SHISA6: variants seen among roughly 807,000 people sequenced by gnomAD.
SHISA6 encodes the protein shisa family member 6.
A neutral mutation model predicts 47.9 loss-of-function variants in SHISA6; 22 were observed. The observed-to-expected ratio is 0.46, with a 90% CI of 0.33 to 0.66. The LOEUF (loss-of-function observed/expected upper bound fraction) is 0.66. SHISA6 is among the 30% of genes least tolerant of loss of function. SHISA6 has a pLI of 0.02. For synonymous variants in SHISA6, 388 were observed against 337.8 expected, an observed-to-expected ratio of 1.15 and a Z score of -1.63; for missense variants, 680 against 764.6, an observed-to-expected ratio of 0.89 and a Z score of 1.30.
At chr17:11,509,921 G>A (rs1041376388) in intron 3 of SHISA6, among the ~76,000 whole-genome samples, 1 of 152,096 alleles carries the variant, frequency 6.6e-6, no homozygotes, top group African/African-American at 2.4e-5. Context: ...GAGAGGCTTT[G>A]GAAACACAGG....
intron 3 of SHISA6, among the ~76,000 whole-genome samples, chr17:11,528,094 G>T (rs1436167762): frequency 6.6e-6 from 1 of 152,072 alleles, no homozygotes; most frequent in Middle Eastern, 3.2e-3. Flanking sequence ...AATTTGGGGG[G>T]TTGGGGGTAC....
At chr17:11,451,209 C>G (rs1425640834) in intron 3 of SHISA6, among the ~76,000 whole-genome samples, 1 of 152,072 alleles carries the variant, frequency 6.6e-6, no homozygotes, top group African/African-American at 2.4e-5. Context: ...CCCATCTTTT[C>G]CATCCATTCT....
rs1294350058 is a variant in SHISA6 at position 11,383,888 on chromosome 17, C to T, written c.895+4379C>T. Among the ~76,000 whole-genome samples, 2 of 152,120 alleles carry T rather than the reference C, an allele frequency of 1.3e-5. 1 individual carries two copies. Among genetic ancestry groups the T allele is most frequent in the Non-Finnish European group, 2.9e-5 (2 of 68,038 alleles). ...CGTTAATTAGACAAGATCACTCAGC[C>T]CCCAACACTGGAACCCAGAATGGTC... On this transcript the variant is annotated intron_variant, in intron 3 of 5. Coordinates refer to ENST00000441885, the MANE Select transcript of SHISA6 (RefSeq NM_207386.4).
chr17:11,393,109 C>T (rs1403796737), intron 3 of SHISA6, among the ~76,000 whole-genome samples: 3 of 152,180 alleles, frequency 2.0e-5, no homozygotes, highest in Non-Finnish European at 4.4e-5. Flanking sequence ...TTCAGGAGAT[C>T]CCCTTTAAGA....
chr17:11,377,574 C>A (rs544531414), intron 2 of SHISA6, among the ~76,000 whole-genome samples: 1 of 152,146 alleles, frequency 6.6e-6, no homozygotes, highest in Non-Finnish European at 1.5e-5. Flanking sequence ...TTTAAGCTCT[C>A]CTGGCTATGC....
chr17:11,385,905 T>C (rs1331255772), intron 3 of SHISA6, among the ~76,000 whole-genome samples: 2 of 151,016 alleles, frequency 1.3e-5, no homozygotes, highest in African/African-American at 4.9e-5. Context: ...AGAAATCCAG[T>C]GAGCTGAAGC....
intron 2 of SHISA6, chr17:11,290,353 C>CTTTTTTT (rs10658953): frequency 1.5e-5 from 2 of 135,980 alleles, no homozygotes; most frequent in Non-Finnish European, 3.1e-5. Flanking sequence ...TATTTTCTTT[C>CTTTTTTT]TTTTTTTTTT....
chr17:11,543,616 A>G (rs1312394235), intron 3 of SHISA6, among the ~76,000 whole-genome samples: 3 of 152,148 alleles, frequency 2.0e-5, no homozygotes, highest in Non-Finnish European at 2.9e-5. Context: ...TTATTATAAA[A>G]TTGATAAGAA....
chr17:11,241,684 G>T lies in SHISA6; in HGVS notation c.262G>T (p.Ala88Ser), dbSNP rs1261770036. The T allele has an allele frequency of 2.6e-5, 39 of 1,501,942 alleles. No homozygotes were observed. The highest frequency in any genetic ancestry group is 3.1e-5 in the Non-Finnish European group (35 of 1,130,714). 93.0% of individuals were successfully genotyped at this position (1,501,942 alleles called of 1,614,324 possible). ...GGCTGTGGCGGCGGCGGCCAGCGCGGCCGTCACCTACGAGACGTGCTGGGG... is the reference window on the plus strand; with the variant it reads ...GGCTGTGGCGGCGGCGGCCAGCGCGTCCGTCACCTACGAGACGTGCTGGGG... ...AAAVAAAASA[A>S]VTYETCWGYY... The change falls in exon 1 of 6, where the codon GCC becomes TCC. Residue 88 changes from alanine to serine, a missense_variant. Transcript: ENST00000441885. The surrounding 1 kb of genome is among the most constrained non-coding windows in gnomAD (Gnocchi z 5.5).
At chr17:11,259,658 A>G (rs1908151479) in intron 1 of SHISA6, among the ~76,000 whole-genome samples, 1 of 152,270 alleles carries the variant, frequency 6.6e-6, no homozygotes, top group Non-Finnish European at 1.5e-5. Context: ...TCATTCCCTC[A>G]GGACCACTGA....
At chr17:11,280,126 T>C (rs531749790) in intron 2 of SHISA6, among the ~76,000 whole-genome samples, 2 of 152,284 alleles carry the variant, frequency 1.3e-5, no homozygotes, top group Non-Finnish European at 2.9e-5. Flanking sequence ...CTTGGTGGCG[T>C]TTCTGTTTAT....
At chr17:11,311,010 G>A (rs968360041) in intron 2 of SHISA6, among the ~76,000 whole-genome samples, 1 of 149,884 alleles carries the variant, frequency 6.7e-6, no homozygotes, top group African/African-American at 2.5e-5. Context: ...AGGAGGCTAA[G>A]GCAGGAGAAT....
intron 2 of SHISA6, among the ~76,000 whole-genome samples, chr17:11,315,120 C>T (rs770546291): frequency 6.6e-6 from 1 of 152,154 alleles, no homozygotes; most frequent in South Asian, 2.1e-4. Context: ...GTTGTTCAGA[C>T]TTTCCTTCTT....
chr17:11,490,862 G>C (rs1194412211), intron 3 of SHISA6, among the ~76,000 whole-genome samples: 1 of 152,250 alleles, frequency 6.6e-6, no homozygotes, highest in African/African-American at 2.4e-5. Context: ...CCATCTGACT[G>C]ATGACTCAAT....
intron 2 of SHISA6, among the ~76,000 whole-genome samples, chr17:11,340,883 G>A (rs898033145): frequency 1.3e-5 from 2 of 152,248 alleles, no homozygotes; most frequent in Admixed American, 1.3e-4. Flanking sequence ...TACAAGAAAG[G>A]AAGACAAGAA....
At chr17:11,364,123 T>C (rs1912371954) in intron 2 of SHISA6, among the ~76,000 whole-genome samples, 1 of 152,224 alleles carries the variant, frequency 6.6e-6, no homozygotes, top group African/African-American at 2.4e-5. Flanking sequence ...TAAACCTAAA[T>C]ACTAAAATAC....
In SHISA6 at chr17:11,558,206, G is replaced by A. The variant is rs767092219; in HGVS notation, c.1558G>A (p.Ala520Thr). The A allele has an allele frequency of 4.5e-5, 69 of 1,542,998 alleles. No individual in the cohort carries two copies. The highest frequency in any genetic ancestry group is 1.7e-4 in the Middle Eastern group (1 of 6,014). ...GAGCCAGACGGCAGCCAAGCGTCAT[G>A]CCTTTGCCTCACGCAGACACAACAC... ...GQSQTAAKRH[A>T]FASRRHNTVE... Residue 520 changes from alanine to threonine, a missense_variant, in exon 6 of 6, where the codon GCC becomes ACC. By Grantham distance (58) the Ala-to-Thr change is moderately conservative. Transcript: ENST00000441885.
chr17:11,291,546 A>T (rs1201363276), intron 2 of SHISA6, among the ~76,000 whole-genome samples: 1 of 152,104 alleles, frequency 6.6e-6, no homozygotes, highest in Non-Finnish European at 1.5e-5. Context: ...AGGCAGGAGA[A>T]TTACTTTAAC....
In SHISA6 at chr17:11,562,266, A is replaced by G. The variant is rs2072051329; in HGVS notation, c.*3962A>G. The G allele has an allele frequency of 6.6e-6, 1 of 152,018 alleles. No individual in the cohort carries two copies. 9.4% of individuals were successfully genotyped at this position (152,018 alleles called of 1,614,324 possible). A position where few individuals can be genotyped will look rare whatever the true frequency, so the allele number is the denominator to read the frequency against. ...TTGTCTGTCACCAGCCTCCAACTTCATATTCCTTCCACAGGCAACTGTGCA... is the reference window on the plus strand; with the variant it reads ...TTGTCTGTCACCAGCCTCCAACTTCGTATTCCTTCCACAGGCAACTGTGCA... On this transcript the variant is annotated 3_prime_UTR_variant, in exon 6 of 6. Coordinates refer to ENST00000441885, the MANE Select transcript of SHISA6 (RefSeq NM_207386.4).
Sources: allele counts gnomAD v4.1 joint callset (sites outside exome capture counted in the v4.1 genomes callset), GRCh38; gene constraint gnomAD v4.1.1; non-coding constraint Gnocchi (gnomAD v3.1); transcripts MANE v1.5; gene names NCBI Gene and HGNC (gene_info 2026-07-23, HGNC 2026-07-21).